TMEM38B: variants seen among roughly 807,000 people sequenced by gnomAD.
TMEM38B encodes the protein trimeric intracellular cation channel type B.
In TMEM38B, 24 loss-of-function variants were observed where a neutral mutation model predicts 28.7. The ratio of observed to expected loss-of-function variants is 0.84; its 90% confidence interval spans 0.61 to 1.18. The LOEUF is 1.18. Among genes scored for constraint, TMEM38B ranks in the 50% most tolerant of loss-of-function variants. The pLI, the probability that TMEM38B is intolerant of heterozygous loss-of-function variation, is 0.00. For missense variants in TMEM38B, 380 were observed against 350.9 expected, an observed-to-expected ratio of 1.08 and a Z score of -0.66; for synonymous variants, 131 against 127.7, an observed-to-expected ratio of 1.03 and a Z score of -0.17.
chr9:105,709,972 C>G (rs546517998), intron 2 of TMEM38B, among the ~76,000 whole-genome samples: 2 of 152,254 alleles, frequency 1.3e-5, no homozygotes, highest in East Asian at 3.9e-4. Flanking sequence ...TATTATGGAC[C>G]TATTACCCAT....
intron 5 of TMEM38B, chr9:105,758,301 A>G (rs1343185635): frequency 5.5e-6 from 4 of 727,484 alleles, no homozygotes; most frequent in African/African-American, 5.2e-5. Context: ...CTAAAGACAC[A>G]TCTACAGCAA....
chr9:105,759,516 T>A, intron 5 of TMEM38B: 1 of 1,579,244 alleles, frequency 6.3e-7, no homozygotes. Flanking sequence ...GAAGCTGTCA[T>A]AATTTAATAG....
intron 4 of TMEM38B, among the ~76,000 whole-genome samples, chr9:105,724,105 G>A (rs1836424159): frequency 6.6e-6 from 1 of 151,936 alleles, no homozygotes; most frequent in Non-Finnish European, 1.5e-5. Context: ...CAAAGTGCTG[G>A]GATTACAGGC....
In TMEM38B at chr9:105,774,111, A is replaced by AT. The variant is rs1022802834; in HGVS notation, c.*39dup. On this transcript the variant is annotated 3_prime_UTR_variant, in exon 6 of 6. Transcript: ENST00000374692. ...CGTGATGAGCTCTACAAGGCCAAAAATTTTTTTTCTTATCTACCTGTTATA... is the reference window on the plus strand; with the variant it reads ...CGTGATGAGCTCTACAAGGCCAAAAATTTTTTTTTCTTATCTACCTGTTATA... The AT allele has an allele frequency of 7.5e-6, 12 of 1,593,660 alleles. No homozygotes were observed. The highest frequency in any genetic ancestry group is 4.1e-5 in the African/African-American group (3 of 73,042).
At chr9:105,769,970 G>A (rs910928726) in intron 5 of TMEM38B, among the ~76,000 whole-genome samples, 9 of 152,112 alleles carry the variant, frequency 5.9e-5, no homozygotes, top group Admixed American at 5.9e-4. Context: ...GAGCGTAGAT[G>A]TGCTGAATAC....
At chr9:105,714,977 G>C (rs751544508) in intron 2 of TMEM38B, among the ~76,000 whole-genome samples, 37 of 152,072 alleles carry the variant, frequency 2.4e-4, no homozygotes, top group South Asian at 2.1e-4. Flanking sequence ...TTCAAATTCA[G>C]GACCATATAG....
At chr9:105,703,372 T>C (rs569588557) in intron 1 of TMEM38B, among the ~76,000 whole-genome samples, 88 of 152,318 alleles carry the variant, frequency 5.8e-4, no homozygotes, top group Middle Eastern at 3.4e-3. Flanking sequence ...ACAAAGGACA[T>C]GAACTCATCA....
intron 1 of TMEM38B, among the ~76,000 whole-genome samples, chr9:105,705,272 G>T (rs1396068339): frequency 6.6e-6 from 1 of 152,106 alleles, no homozygotes; most frequent in African/African-American, 2.4e-5. Flanking sequence ...AGTGCTTACT[G>T]TAGGGTTTGG....
At chr9:105,770,508 A>C (rs936470266) in intron 5 of TMEM38B, among the ~76,000 whole-genome samples, 2 of 152,200 alleles carry the variant, frequency 1.3e-5, no homozygotes, top group Admixed American at 6.5e-5. Context: ...TTAAAGATAT[A>C]TACCAGAAAT....
At chr9:105,740,094 GCTGGTCTCGAA>G (rs1403426281) in intron 4 of TMEM38B, among the ~76,000 whole-genome samples, 1 of 151,942 alleles carries the variant, frequency 6.6e-6, no homozygotes, top group African/African-American at 2.4e-5. Context: ...TGTTGGCCAG[GCTGGTCTCGAA>G]CTCCTGACCT....
chr9:105,712,317 T>C (rs550480245), intron 2 of TMEM38B, among the ~76,000 whole-genome samples: 2 of 152,374 alleles, frequency 1.3e-5, no homozygotes, highest in South Asian at 4.1e-4. Flanking sequence ...TCAGTGCTTA[T>C]CCTTAGATAC....
At chr9:105,760,748 G>A (rs73520094) in intron 5 of TMEM38B, 15,041 of 1,132,994 alleles carry the variant, frequency 0.013, 406 homozygotes, top group African/African-American at 0.1. Context: ...TGTAGTCTAA[G>A]ATACTAACTG....
chr9:105,747,414 G>C (rs1003312603), intron 4 of TMEM38B, among the ~76,000 whole-genome samples: 1 of 152,082 alleles, frequency 6.6e-6, no homozygotes, highest in Non-Finnish European at 1.5e-5. Context: ...TGTGGGATCG[G>C]TGGTGATATC....
In TMEM38B at chr9:105,769,516, A is replaced by G. The variant is rs149825291; in HGVS notation, c.661-4349A>G. On this transcript the variant is annotated intron_variant, in intron 5 of 5. Coordinates refer to ENST00000374692, the MANE Select transcript of TMEM38B (RefSeq NM_018112.3). ...TTTTTTGTACAATTTTGGTTTCACT[A>G]TGTTGCCCAGGCTGGTCTCAAACTT... is the stretch of plus-strand genomic sequence containing the variant. Among the ~76,000 whole-genome samples, 45 of 152,122 alleles carry G rather than the reference A, an allele frequency of 3.0e-4. 1 individual carries two copies. Among genetic ancestry groups the G allele is most frequent in the Admixed American group, 2.1e-3 (32 of 15,274 alleles).
chr9:105,770,788 T>G (rs548700027), intron 5 of TMEM38B, among the ~76,000 whole-genome samples: 1 of 152,284 alleles, frequency 6.6e-6, no homozygotes, highest in South Asian at 2.1e-4. Context: ...TATTTGAATT[T>G]GGGCAGGTGG....
At chr9:105,699,531 A>G (rs1277523836) in intron 1 of TMEM38B, among the ~76,000 whole-genome samples, 1 of 152,192 alleles carries the variant, frequency 6.6e-6, no homozygotes, top group Non-Finnish European at 1.5e-5. Context: ...ATCTTAAACA[A>G]TGCCACCAGA....
intron 5 of TMEM38B, among the ~76,000 whole-genome samples, chr9:105,755,951 C>T (rs892941959): frequency 3.3e-5 from 5 of 152,124 alleles, no homozygotes; most frequent in Non-Finnish European, 5.9e-5. Flanking sequence ...AGATTCCTGG[C>T]TGAGCATGGT....
At chr9:105,765,132 C>G (rs556881194) in intron 5 of TMEM38B, among the ~76,000 whole-genome samples, 11 of 152,260 alleles carry the variant, frequency 7.2e-5, no homozygotes, top group Admixed American at 2.6e-4. Flanking sequence ...AAATTGAATT[C>G]TTTCTAAGGC....
chr9:105,747,975 A>G lies in TMEM38B; in HGVS notation c.543-98A>G. On this transcript the variant is annotated intron_variant, in intron 4 of 5. Coordinates refer to ENST00000374692, the MANE Select transcript of TMEM38B (RefSeq NM_018112.3). ...ACTCATTTTTGCATTACATCTATTA[A>G]TAACCCATTAAGTTAATGTTTTGCA... 1 of 773,406 alleles carries G rather than the reference A, an allele frequency of 1.3e-6. No homozygotes were observed. Among genetic ancestry groups the G allele is most frequent in the Non-Finnish European group, 2.2e-6 (1 of 454,948 alleles). The allele number at this position is 773,406 out of a possible 1,614,324, so 47.9% of individuals were successfully genotyped here. A position where few individuals can be genotyped will look rare whatever the true frequency, so the allele number is the denominator to read the frequency against.
Sources: gnomAD v4.1 joint callset for allele counts (sites outside exome capture counted in the v4.1 genomes callset) on GRCh38, gnomAD v4.1.1 for gene constraint, MANE v1.5 for transcripts, NCBI Gene and HGNC (gene_info 2026-07-23, HGNC 2026-07-21) for gene names.